The following MEPCE variants were observed in gnomAD, a reference collection of about 807,000 sequenced individuals.
The protein encoded by MEPCE is methylphosphate capping enzyme.
A neutral mutation model predicts 52.3 loss-of-function variants in MEPCE; 9 were observed. That is an observed-to-expected ratio of 0.17 (90% CI 0.10 to 0.30). The LOEUF is 0.30. Ranked by LOEUF, MEPCE falls within the 10% of genes least tolerant of loss-of-function variation. MEPCE has a pLI of 1.00. For synonymous variants in MEPCE, 477 were observed against 401.6 expected, an observed-to-expected ratio of 1.19 and a Z score of -2.25; for missense variants, 826 against 933.0, an observed-to-expected ratio of 0.89 and a Z score of 1.49.
In MEPCE at chr7:100,433,835, G is replaced by C. The variant is rs2131009983; in HGVS notation, c.*281G>C. 6.0e-6 allele frequency: 3 copies of C among 499,050 alleles called. No individual in the cohort carries two copies. The highest frequency in any genetic ancestry group is 1.1e-5 in the Non-Finnish European group (3 of 280,720). 30.9% of individuals were successfully genotyped at this position (499,050 alleles called of 1,614,324 possible). On this transcript the variant is annotated 3_prime_UTR_variant, in exon 4 of 4. Coordinates refer to ENST00000310512, the MANE Select transcript of MEPCE (RefSeq NM_019606.6). ...CTGTTTGCTGACCTCTGTTCTCTTA[G>C]GGCATGGGAGGTGGGAGGATATCAA...
chr7:100,430,347 C>G lies in MEPCE; in HGVS notation c.329C>G (p.Pro110Arg). 1 of 1,429,804 alleles carries G rather than the reference C, an allele frequency of 7.0e-7. No homozygotes were observed. Among genetic ancestry groups the G allele is most frequent in the Non-Finnish European group, 9.1e-7 (1 of 1,094,708 alleles). 88.6% of individuals were successfully genotyped at this position (1,429,804 alleles called of 1,614,324 possible). A position where few individuals can be genotyped will look rare whatever the true frequency, so the allele number is the denominator to read the frequency against. The change falls in exon 1 of 4, where the codon CCG (proline) becomes CGG (arginine). Residue 110 changes from proline to arginine, a missense_variant. Pro to Arg is a moderately radical substitution (Grantham distance 103). This residue lies in a region of MEPCE where 314 missense variants were observed against 277.7 expected (regional missense o/e 1.13). Transcript: ENST00000310512. ...LSDPPGRAAPPDVGEERRGGG... is the reference protein window; with the variant it reads ...LSDPPGRAAPRDVGEERRGGG... ...GATCCCCCGGGGCGAGCCGCTCCCC[C>G]GGACGTGGGGGAGGAGCGCCGGGGA... is the stretch of plus-strand genomic sequence containing the variant.
Position 100,431,601 on chromosome 7 carries a change from C to T in MEPCE, c.1583C>T (p.Thr528Ile). 6.2e-7 allele frequency: 1 copy of T among 1,610,856 alleles called. No individual in the cohort carries two copies. Among genetic ancestry groups the T allele is most frequent in the Non-Finnish European group, 8.5e-7 (1 of 1,180,022 alleles). The change falls in exon 1 of 4, where the codon ACT becomes ATT. Residue 528 changes from threonine (T) to isoleucine (I), a missense_variant. Thr to Ile is a moderately conservative substitution (Grantham distance 89, BLOSUM62 -1). Transcript: ENST00000310512. The part of the protein sequence containing the change: ...RKRSCFPASL[T>I]ASRGPIAAPQ... ...AGGAGCTGCTTCCCAGCCTCGCTGA[C>T]TGCCAGCCGGGGTCCCATCGCTGCC...
At position 100,430,822 on chromosome 7, in the gene MEPCE, G is replaced by T; in HGVS notation, c.804G>T (p.Gln268His). The T allele has an allele frequency of 6.2e-7, 1 of 1,612,218 alleles. No individual in the cohort carries two copies. The highest frequency in any genetic ancestry group is 8.5e-7 in the Non-Finnish European group (1 of 1,178,772). Reference protein sequence around the residue: ...TGRKRHRHRGQHHQQQQAAGG... With the variant: ...TGRKRHRHRGHHHQQQQAAGG... ...GGAAGCGGCATAGACACCGGGGACAGCACCACCAGCAGCAGCAGGCAGCCG... is the reference window on the plus strand; with the variant it reads ...GGAAGCGGCATAGACACCGGGGACATCACCACCAGCAGCAGCAGGCAGCCG... The change falls in exon 1 of 4, where the codon CAG becomes CAT. Residue 268 changes from glutamine (Q) to histidine (H), a missense_variant. By Grantham distance (24) the Gln-to-His change is conservative. Transcript: ENST00000310512.
Position 100,433,882 on chromosome 7 carries a change from A to C in MEPCE, c.*328A>C. 1 of 358,442 alleles carries C rather than the reference A, an allele frequency of 2.8e-6. No homozygotes were observed. The highest frequency in any genetic ancestry group is 5.5e-5 in the East Asian group (1 of 18,072). The allele number at this position is 358,442 out of a possible 1,614,324, so 22.2% of individuals were successfully genotyped here. ...TCAAATTCTCTAGCCCTTTCCTCCT[A>C]TTCTCCCAAGGAGAGAGATTCCCAT... is the stretch of plus-strand genomic sequence containing the variant. On this transcript the variant is annotated 3_prime_UTR_variant, in exon 4 of 4. Coordinates refer to ENST00000310512, the MANE Select transcript of MEPCE (RefSeq NM_019606.6).
Position 100,433,287 on chromosome 7 carries a change from C to T in MEPCE, c.1915C>T (p.Arg639Ter). Reference sequence around the variant, plus strand: ...GGAAACGATCTACAAGAACTACTACCGAATCCAATTGAAGCCAGAGCAGTT... The same window carrying T: ...GGAAACGATCTACAAGAACTACTACTGAATCCAATTGAAGCCAGAGCAGTT... ...LTETIYKNYY[R>*]IQLKPEQFSS... is the part of the protein sequence containing the mutation. Residue 639 changes from arginine (R) to a stop codon, truncating the protein, a stop_gained, in exon 3 of 4, where the codon CGA becomes TGA. Transcript: ENST00000310512. LOFTEE classifies it high-confidence loss of function. 6.2e-7 allele frequency: 1 copy of T among 1,614,192 alleles called. No individual in the cohort carries two copies. The highest frequency in any genetic ancestry group is 8.5e-7 in the Non-Finnish European group (1 of 1,180,044).
rs1027331562 is a variant in MEPCE, at chr7:100,431,326, G to A, written c.1308G>A (p.Val436=). The part of the protein sequence containing the change: ...NPSCEDGRLR[V]LKPEWFRGRD... ...CCTGTGAGGATGGGCGCCTTCGGGT[G>A]TTGAAGCCTGAGTGGTTTCGGGGCC... Residue 436 remains valine (V), a synonymous_variant, in exon 1 of 4, where the codon GTG becomes GTA. Coordinates refer to ENST00000310512, the MANE Select transcript of MEPCE (RefSeq NM_019606.6). 3 of 1,614,204 alleles carry A rather than the reference G, an allele frequency of 1.9e-6. No homozygotes were observed. Among genetic ancestry groups the A allele is most frequent in the Non-Finnish European group, 1.7e-6 (2 of 1,180,036 alleles).
At position 100,429,851 on chromosome 7, in the gene MEPCE, G is replaced by A. The variant is rs1798513808; in HGVS notation, c.-168G>A. On this transcript the variant is annotated 5_prime_UTR_variant, in exon 1 of 4. Coordinates refer to ENST00000310512, the MANE Select transcript of MEPCE (RefSeq NM_019606.6). ...CGGGCCTCTTGTTTTGGTCTCGCGG[G>A]CTAGTAGGGCGCACTTGGCGGGGAG... The A allele has an allele frequency of 2.0e-6, 1 of 499,190 alleles. No individual in the cohort carries two copies. The highest frequency in any genetic ancestry group is 3.1e-6 in the Non-Finnish European group (1 of 318,888). 30.9% of individuals were successfully genotyped at this position (499,190 alleles called of 1,614,324 possible).
Position 100,433,110 on chromosome 7 carries a change from G to A in MEPCE, c.1863G>A (p.Ser621=), listed in dbSNP as rs745870900. 1.4e-5 allele frequency: 22 copies of A among 1,613,864 alleles called. No individual in the cohort carries two copies. The highest frequency in any genetic ancestry group is 5.3e-5 in the African/African-American group (4 of 74,944). Residue 621 remains serine (S), a synonymous_variant, in exon 2 of 4, where the codon TCG becomes TCA. Transcript: ENST00000310512. ...GILVLEPQPW[S]SYGKRKTLTE... is the part of the protein sequence containing the mutation. The stretch of plus-strand genomic sequence containing the variant: ...TGGTCCTAGAGCCCCAACCCTGGTC[G>A]TCGTATGGCAAGAGAAAGACTCTTA...
chr7:100,430,422 G>C lies in MEPCE; in HGVS notation c.404G>C (p.Gly135Ala). Reference protein sequence around the residue: ...GPPAPPRPRNGYQPHRPPGGG... With the variant: ...GPPAPPRPRNAYQPHRPPGGG... ...CCTGCTCCTCCTCGACCCCGCAATG[G>C]CTATCAGCCCCACCGGCCACCTGGG... Residue 135 changes from glycine to alanine, a missense_variant, in exon 1 of 4, where the codon GGC becomes GCC. Around this residue, in one of 7 missense-constraint regions of MEPCE, gnomAD observed 314 missense variants for 277.7 expected, o/e 1.13. Coordinates refer to ENST00000310512, the MANE Select transcript of MEPCE (RefSeq NM_019606.6). 6.4e-7 allele frequency: 1 copy of C among 1,552,596 alleles called. No individual in the cohort carries two copies. The highest frequency in any genetic ancestry group is 8.7e-7 in the Non-Finnish European group (1 of 1,152,208).
At position 100,430,277 on chromosome 7, in the gene MEPCE, G is replaced by A; in HGVS notation, c.259G>A (p.Gly87Arg). ...SSGPQAQQHRGGGPQAQSHGE... is the reference protein window; with the variant it reads ...SSGPQAQQHRRGGPQAQSHGE... Reference sequence around the variant, plus strand: ...TGGTCCCCAGGCGCAGCAGCACCGAGGGGGCGGCCCCCAGGCGCAGTCGCA... The same window carrying A: ...TGGTCCCCAGGCGCAGCAGCACCGAAGGGGCGGCCCCCAGGCGCAGTCGCA... Residue 87 changes from glycine (G) to arginine (R), a missense_variant, in exon 1 of 4, where the codon GGG becomes AGG. Transcript: ENST00000310512. 7.1e-7 allele frequency: 1 copy of A among 1,400,742 alleles called. No homozygotes were observed. The highest frequency in any genetic ancestry group is 3.1e-5 in the Admixed American group (1 of 31,758). The allele number at this position is 1,400,742 out of a possible 1,614,324, so 86.8% of individuals were successfully genotyped here.
chr7:100,432,618 A>AG (rs1169051683), intron 1 of MEPCE, among the ~76,000 whole-genome samples: 2 of 152,220 alleles, frequency 1.3e-5, no homozygotes, highest in Non-Finnish European at 2.9e-5. Flanking sequence ...GAATAAACAC[A>AG]GGATATGGTC....
Position 100,431,282 on chromosome 7 carries a change from T to A in MEPCE, c.1264T>A (p.Tyr422Asn), listed in dbSNP as rs1433044717. 6.2e-7 allele frequency: 1 copy of A among 1,614,114 alleles called. No individual in the cohort carries two copies. The stretch of plus-strand genomic sequence containing the variant: ...CCAGTATGGGAATTATTGCAAATAC[T>A]ATGGGTACCGCAATCCTTCCTGTGA... ...KFQYGNYCKY[Y>N]GYRNPSCEDG... The change falls in exon 1 of 4, where the codon TAT becomes AAT. Residue 422 changes from tyrosine to asparagine, a missense_variant. Tyr to Asn is a moderately radical substitution (Grantham distance 143). Coordinates refer to ENST00000310512, the MANE Select transcript of MEPCE (RefSeq NM_019606.6).
upstream of MEPCE, chr7:100,429,134 C>A (rs1487399206): frequency 6.6e-6 from 1 of 152,246 alleles, no homozygotes; most frequent in African/African-American, 2.4e-5. Context: ...CCCTCGGAAG[C>A]GCTTCTAAGA....
At chr7:100,432,894 C>G (rs201776147) in intron 1 of MEPCE, 25 bp from the exon 2 acceptor site, 61 of 1,607,698 alleles carry the variant, frequency 3.8e-5, no homozygotes, top group Non-Finnish European at 4.9e-5. Context: ...CCTCAGTTGA[C>G]CTCACTGCCG....
At position 100,433,737 on chromosome 7, in the gene MEPCE, C is replaced by T. The variant is rs1136496; in HGVS notation, c.*183C>T. The stretch of plus-strand genomic sequence containing the variant: ...CTCCTCCCTATGCCTCTGGCACCTG[C>T]GCAGCAAGGCTGGCTGTGCTGGAGT... On this transcript the variant is annotated 3_prime_UTR_variant, in exon 4 of 4. Transcript: ENST00000310512. The T allele has an allele frequency of 0.02, 12,497 of 630,972 alleles. 214 individuals carry two copies. The highest frequency in any genetic ancestry group is 0.025 in the Non-Finnish European group (9,095 of 365,114). 39.1% of individuals were successfully genotyped at this position (630,972 alleles called of 1,614,324 possible). A position where few individuals can be genotyped will look rare whatever the true frequency, so the allele number is the denominator to read the frequency against.
At chr7:100,433,433 A>AGAGTGCAGACCCCCATGG in intron 3 of MEPCE, 44 bp downstream of exon 3, 1 of 1,614,102 alleles carries the variant, frequency 6.2e-7, no homozygotes, top group Non-Finnish European at 8.5e-7. Flanking sequence ...CCTGGCTGAA[A>AGAGTGCAGACCCCCATGG]GAGTGCAGAC....
chr7:100,430,314 G>C lies in MEPCE; in HGVS notation c.296G>C (p.Arg99Pro), dbSNP rs1798601033. The stretch of plus-strand genomic sequence containing the variant: ...CAGGCGCAGTCGCATGGGGAGGCCC[G>C]CCTGTCGGATCCCCCGGGGCGAGCC... ...GPQAQSHGEA[R>P]LSDPPGRAAP... Residue 99 changes from arginine to proline, a missense_variant, in exon 1 of 4, where the codon CGC (arginine) becomes CCC (proline). By Grantham distance (103) the Arg-to-Pro change is moderately radical. Around this residue, in one of 7 missense-constraint regions of MEPCE, gnomAD observed 314 missense variants for 277.7 expected, o/e 1.13. Coordinates refer to ENST00000310512, the MANE Select transcript of MEPCE (RefSeq NM_019606.6). 2 of 1,418,280 alleles carry C rather than the reference G, an allele frequency of 1.4e-6. No individual in the cohort carries two copies. Among genetic ancestry groups the C allele is most frequent in the Admixed American group, 3.0e-5 (1 of 33,590 alleles). The allele number at this position is 1,418,280 out of a possible 1,614,324, so 87.9% of individuals were successfully genotyped here.
intron 1 of MEPCE, 95 bp downstream of exon 1, chr7:100,431,784 A>C: frequency 2.4e-6 from 3 of 1,228,020 alleles, no homozygotes; most frequent in African/African-American, 1.5e-5. Context: ...AGATCCTCAA[A>C]AGAGGGGTCT....
chr7:100,429,766 T>G (rs1439215514), upstream of MEPCE: 1 of 375,304 alleles, frequency 2.7e-6, no homozygotes, highest in African/African-American at 2.1e-5. Context: ...CGGGTGGTAG[T>G]GGCGGAGGAG....
Sources: gnomAD v4.1 joint callset for allele counts (sites outside exome capture counted in the v4.1 genomes callset) on GRCh38, gnomAD v4.1.1 for gene constraint, gnomAD v4.1.1 regional missense constraint, MANE v1.5 for transcripts, NCBI Gene and HGNC (gene_info 2026-07-23, HGNC 2026-07-21) for gene names.